Variants in ANO3 observed in about 807,000 individuals in gnomAD.
The protein encoded by ANO3 is anoctamin-3.
A neutral mutation model predicts 144.8 loss-of-function variants in ANO3; 99 were observed. The observed-to-expected ratio is 0.68, with a 90% confidence interval of 0.58 to 0.81. ANO3 has a LOEUF of 0.81. ANO3 is among the 30% of genes least tolerant of loss of function. The pLI, the probability that ANO3 is intolerant of heterozygous loss-of-function variation, is 0.00. For missense variants in ANO3, 905 were observed against 1,202.2 expected (o/e 0.75, Z 3.66); for synonymous variants, 414 against 392.6 (o/e 1.05, Z -0.64).
At position 26,474,213 on chromosome 11, in the gene ANO3, A is replaced by C. The variant is rs1385249752; in HGVS notation, c.432+11065A>C. 5 of 496,070 alleles carry C rather than the reference A, an allele frequency of 1.0e-5. No homozygotes were observed. The African/African-American group carries it at 1.1e-4, about 10-fold the overall frequency. 30.7% of individuals were successfully genotyped at this position (496,070 alleles called of 1,614,324 possible). The stretch of plus-strand genomic sequence containing the variant: ...TATGTAGAGAAGCCAATTGAGAGAA[A>C]TTAATATTGATTTCAGAATTGGAAT... On this transcript the variant is annotated intron_variant, in intron 4 of 26. Coordinates refer to ENST00000256737, the MANE Select transcript of ANO3 (RefSeq NM_031418.4).
At chr11:26,551,430 A>G (rs111273616) in intron 12 of ANO3, among the ~76,000 whole-genome samples, 19 of 152,080 alleles carry the variant, frequency 1.2e-4, no homozygotes, top group African/African-American at 4.6e-4. Flanking sequence ...ATACTCTTAA[A>G]TATTTTAGAC....
At chr11:26,477,850 T>G (rs1442823917) in intron 4 of ANO3, among the ~76,000 whole-genome samples, 2 of 152,164 alleles carry the variant, frequency 1.3e-5, no homozygotes, top group South Asian at 2.1e-4. Flanking sequence ...TTGAGTAATT[T>G]TACTTATAAG....
At chr11:26,446,725 C>A (rs1240974549) in intron 3 of ANO3, among the ~76,000 whole-genome samples, 1 of 152,124 alleles carries the variant, frequency 6.6e-6, no homozygotes, top group Non-Finnish European at 1.5e-5. Flanking sequence ...AAATTGGGAT[C>A]AATGAGCCAT....
intron 1 of ANO3, among the ~76,000 whole-genome samples, chr11:26,349,872 G>A (rs943357649): frequency 2.0e-5 from 3 of 152,152 alleles, no homozygotes; most frequent in African/African-American, 7.2e-5. Context: ...AGGAGCTAAT[G>A]AGCCAGAGAA....
intron 17 of ANO3, among the ~76,000 whole-genome samples, chr11:26,614,982 A>T (rs1323358887): frequency 6.6e-6 from 1 of 151,436 alleles, no homozygotes; most frequent in African/African-American, 2.4e-5. Flanking sequence ...TTCTGACATC[A>T]CTCTCTACAT....
In ANO3 at chr11:26,385,908, T is replaced by TATATATATATATATATATATAC. The variant is rs1310559300; in HGVS notation, c.46+53588_46+53589insTATATATATATATATATATACA. Among the ~76,000 whole-genome samples, 704 of 149,248 alleles carry TATATATATATATATATATATAC rather than the reference T, an allele frequency of 4.7e-3. 8 individuals are homozygous for TATATATATATATATATATATAC. The highest frequency in any genetic ancestry group is 0.017 in the East Asian group (84 of 4,980). On this transcript the variant is annotated intron_variant, in intron 1 of 26. Coordinates refer to ENST00000256737, the MANE Select transcript of ANO3 (RefSeq NM_031418.4). ...CTTTGTGTGTGTATATATATTTATATACATATTTACATGTATAAGCATACA... is the reference window on the plus strand; with the variant it reads ...CTTTGTGTGTGTATATATATTTATATATATATATATATATATATATACACATATTTACATGTATAAGCATACA...
chr11:26,231,169 G>A (rs2349808), intron 1 of ANO3, among the ~76,000 whole-genome samples: 48,703 of 151,832 alleles, frequency 0.32, 8,546 homozygotes, highest in Non-Finnish European at 0.38. Flanking sequence ...GAGCCACCAC[G>A]CTCCACCTGA....
rs1457347074 is a variant in ANO3, at chr11:26,577,540, G to A, written c.1447+17761G>A. Among the ~76,000 whole-genome samples, 5 of 145,700 alleles carry A rather than the reference G, an allele frequency of 3.4e-5. No individual in the cohort carries two copies. In the East Asian group the frequency reaches 1.0e-3, roughly 29 times the overall value. ...GATTGCGCCATTACACTCCAGCCTG[G>A]GCAACAAGAGAGAGACTCCGTCTCA... is the stretch of plus-strand genomic sequence containing the variant. On this transcript the variant is annotated intron_variant, in intron 14 of 26. Transcript: ENST00000256737.
rs1346502325 is a variant in ANO3 at position 26,537,003 on chromosome 11, TA to T, written c.977-400del. Among the ~76,000 whole-genome samples, 259 of 137,998 alleles carry T rather than the reference TA, an allele frequency of 1.9e-3. 1 individual carries two copies. Among genetic ancestry groups the T allele is most frequent in the African/African-American group, 6.1e-3 (226 of 37,206 alleles). The allele number at this position is 137,998 out of a possible 152,430, so 90.5% of individuals were successfully genotyped here. ...AGTATTTCTCAATACCAATATCCTT[TA>T]AATTTTTTTTTTTTTTTTTGGTAGG... On this transcript the variant is annotated intron_variant, in intron 9 of 26. Transcript: ENST00000256737.
intron 1 of ANO3, among the ~76,000 whole-genome samples, chr11:26,386,695 GA>G (rs1856743751): frequency 6.6e-6 from 1 of 152,142 alleles, no homozygotes; most frequent in African/African-American, 2.4e-5. Context: ...TTATCCTATA[GA>G]ATGTAAGGAC....
chr11:26,571,328 T>TA (rs1298321452), intron 14 of ANO3, among the ~76,000 whole-genome samples: 1 of 151,932 alleles, frequency 6.6e-6, no homozygotes, highest in African/African-American at 2.4e-5. Flanking sequence ...ATCCTTTTAA[T>TA]AAAAAAAGAG....
At chr11:26,316,308 G>T (rs1372086866) in intron 1 of ANO3, among the ~76,000 whole-genome samples, 1 of 152,192 alleles carries the variant, frequency 6.6e-6, no homozygotes, top group East Asian at 1.9e-4. Context: ...TTTAGTGAGG[G>T]CAGGGGTAGG....
intron 14 of ANO3, among the ~76,000 whole-genome samples, chr11:26,582,372 A>G (rs1201436454): frequency 6.6e-6 from 1 of 152,194 alleles, no homozygotes; most frequent in Non-Finnish European, 1.5e-5. Flanking sequence ...TTAGGGCTCT[A>G]GTACTGGCCA....
intron 14 of ANO3, among the ~76,000 whole-genome samples, chr11:26,573,213 GA>G (rs1850894976): frequency 6.6e-6 from 1 of 152,146 alleles, no homozygotes; most frequent in Non-Finnish European, 1.5e-5. Flanking sequence ...GGAATGCAAA[GA>G]ATCTGCCCAG....
At chr11:26,501,727 T>C (rs1208794223) in intron 4 of ANO3, among the ~76,000 whole-genome samples, 3 of 152,196 alleles carry the variant, frequency 2.0e-5, no homozygotes, top group African/African-American at 7.2e-5. Flanking sequence ...TTCTGAACTA[T>C]GACCATTTCA....
chr11:26,463,908 T>C (rs796771028), intron 4 of ANO3, among the ~76,000 whole-genome samples: 62 of 151,972 alleles, frequency 4.1e-4, no homozygotes, highest in African/African-American at 1.4e-3. Context: ...CTTTTTTTTT[T>C]TCATTTTTTG....
At chr11:26,439,001 G>A (rs1431944830) in intron 1 of ANO3, among the ~76,000 whole-genome samples, 3 of 150,594 alleles carry the variant, frequency 2.0e-5, no homozygotes, top group Non-Finnish European at 2.9e-5. Context: ...TAGATTGGTG[G>A]GTTAGAATTG....
chr11:26,243,812 A>T (rs1440353509), intron 1 of ANO3, among the ~76,000 whole-genome samples: 1 of 152,144 alleles, frequency 6.6e-6, no homozygotes, highest in African/African-American at 2.4e-5. Flanking sequence ...AAATGAAGCC[A>T]TGGTATGTGT....
intron 3 of ANO3, among the ~76,000 whole-genome samples, chr11:26,459,317 A>G (rs1859283106): frequency 6.6e-6 from 1 of 152,084 alleles, no homozygotes; most frequent in South Asian, 2.1e-4. Context: ...TAAAAGGGCC[A>G]CCCTGGCTAT....
Sources: gnomAD v4.1 joint callset for allele counts (sites outside exome capture counted in the v4.1 genomes callset) on GRCh38, gnomAD v4.1.1 for gene constraint, MANE v1.5 for transcripts, NCBI Gene and HGNC (gene_info 2026-07-23, HGNC 2026-07-21) for gene names.